Variants in WWOX observed in about 807,000 individuals in gnomAD.
WWOX encodes the protein WW domain containing oxidoreductase.
WWOX carries 69 observed loss-of-function variants against 46.2 expected under a neutral mutation model. The ratio of observed to expected loss-of-function variants is 1.49; its 90% CI spans 1.23 to 1.82. The LOEUF (loss-of-function observed/expected upper bound fraction) is 1.82. Among genes scored for constraint, WWOX ranks in the 40% most tolerant of loss-of-function variants. The probability of loss-of-function intolerance (pLI) is 0.00; values close to 1 mark genes in which losing one functional copy is unlikely to be tolerated. For missense variants in WWOX, 919 were observed against 542.6 expected (o/e 1.69, Z -6.89); for synonymous variants, 359 against 202.6 (o/e 1.77, Z -6.56).
chr16:78,491,951 A>G (rs1452343387), intron 8 of WWOX, among the ~76,000 whole-genome samples: 2 of 152,100 alleles, frequency 1.3e-5, no homozygotes, highest in Admixed American at 6.5e-5. Flanking sequence ...GTTGATGGAC[A>G]TCTTCACCTG....
intron 5 of WWOX, among the ~76,000 whole-genome samples, chr16:78,385,331 C>A (rs117220100): frequency 6.6e-6 from 1 of 152,096 alleles, no homozygotes; most frequent in Non-Finnish European, 1.5e-5. Flanking sequence ...CAAGTGGCAT[C>A]GGGACAAGAG....
chr16:78,435,785 T>G (rs2083321600), intron 8 of WWOX, among the ~76,000 whole-genome samples: 1 of 152,142 alleles, frequency 6.6e-6, no homozygotes, highest in Non-Finnish European at 1.5e-5. Flanking sequence ...TGGAACAACT[T>G]AGACATGTCA....
At chr16:79,159,354 T>A (rs548903707) in intron 8 of WWOX, among the ~76,000 whole-genome samples, 1 of 152,360 alleles carries the variant, frequency 6.6e-6, no homozygotes, top group Non-Finnish European at 1.5e-5. Flanking sequence ...ATTAGCTAAA[T>A]GTTCCTGCAA....
chr16:78,601,195 C>G (rs1265874186), intron 8 of WWOX, among the ~76,000 whole-genome samples: 2 of 152,170 alleles, frequency 1.3e-5, no homozygotes, highest in African/African-American at 2.4e-5. Context: ...CCTTTATCAC[C>G]AAGATTCCTT....
chr16:78,419,625 C>CGAAAA (rs1491558183), intron 6 of WWOX, among the ~76,000 whole-genome samples: 2 of 44,692 alleles, frequency 4.5e-5, no homozygotes, highest in African/African-American at 7.3e-5. Flanking sequence ...CAAAAAATAG[C>CGAAAA]AAAAAAAAAA....
At chr16:78,107,572 C>G (rs939447462) in intron 1 of WWOX, among the ~76,000 whole-genome samples, 4 of 152,004 alleles carry the variant, frequency 2.6e-5, no homozygotes, top group Non-Finnish European at 4.4e-5. Context: ...CAGCGCACAG[C>G]TAGATGCCCT....
intron 8 of WWOX, among the ~76,000 whole-genome samples, chr16:78,445,822 G>C (rs1350316946): frequency 6.6e-6 from 1 of 151,022 alleles, no homozygotes; most frequent in Admixed American, 6.6e-5. Flanking sequence ...AGGTTGCCAT[G>C]AGCAGAGATC....
At chr16:78,882,497 G>A (rs1309452230) in intron 8 of WWOX, among the ~76,000 whole-genome samples, 3 of 147,328 alleles carry the variant, frequency 2.0e-5, no homozygotes, top group African/African-American at 7.5e-5. Flanking sequence ...TTTTAATTGA[G>A]ATGGGGTCTC....
At chr16:78,851,110 A>T (rs1367853951) in intron 8 of WWOX, among the ~76,000 whole-genome samples, 1 of 152,142 alleles carries the variant, frequency 6.6e-6, no homozygotes, top group African/African-American at 2.4e-5. Flanking sequence ...TGCCTGTGGT[A>T]TTTACCTTGA....
intron 8 of WWOX, among the ~76,000 whole-genome samples, chr16:78,601,040 A>G (rs528506579): frequency 6.6e-6 from 1 of 152,164 alleles, no homozygotes. Flanking sequence ...TTCAGTTTCC[A>G]CATAATACCT....
chr16:78,544,277 CATT>C (rs530644501), intron 8 of WWOX, among the ~76,000 whole-genome samples: 16 of 152,308 alleles, frequency 1.1e-4, no homozygotes, highest in South Asian at 8.3e-4. Flanking sequence ...CAAGCGCTAA[CATT>C]ATATTAATTA....
intron 8 of WWOX, among the ~76,000 whole-genome samples, chr16:79,208,859 A>C (rs563127132): frequency 6.6e-6 from 1 of 152,304 alleles, no homozygotes; most frequent in South Asian, 2.1e-4. Flanking sequence ...CAAGAGACCA[A>C]AGGTGTGGTG....
At chr16:78,478,420 AC>A (rs1482338822) in intron 8 of WWOX, among the ~76,000 whole-genome samples, 1 of 151,992 alleles carries the variant, frequency 6.6e-6, no homozygotes, top group African/African-American at 2.4e-5. Context: ...CATATTTACC[AC>A]CCCGGGGTTC....
chr16:79,052,871 AAGAAGATAATTACTAATAT>A (rs2048195013), intron 8 of WWOX, among the ~76,000 whole-genome samples: 4 of 151,732 alleles, frequency 2.6e-5, no homozygotes, highest in Non-Finnish European at 1.5e-5. Flanking sequence ...AGTGGATGGC[AAGAAGATAATTACTAATAT>A]GTCTGCAATC....
chr16:79,116,734 CTTG>C (rs1567560776), intron 8 of WWOX, among the ~76,000 whole-genome samples: 2 of 151,872 alleles, frequency 1.3e-5, no homozygotes, highest in African/African-American at 2.4e-5. Context: ...CTTCCAAACT[CTTG>C]TTATTATTAA....
chr16:78,951,190 G>C (rs1459988443), intron 8 of WWOX, among the ~76,000 whole-genome samples: 1 of 152,200 alleles, frequency 6.6e-6, no homozygotes, highest in African/African-American at 2.4e-5. Context: ...CTGGATCTAA[G>C]TGATTAAATG....
chr16:78,583,078 T>G (rs1172994769), intron 8 of WWOX, among the ~76,000 whole-genome samples: 1 of 152,242 alleles, frequency 6.6e-6, no homozygotes, highest in African/African-American at 2.4e-5. Flanking sequence ...CGAGCAGAGC[T>G]CTTGAAGAAG....
chr16:78,944,216 A>C (rs2045906415), intron 8 of WWOX, among the ~76,000 whole-genome samples: 2 of 151,738 alleles, frequency 1.3e-5, no homozygotes, highest in Non-Finnish European at 2.9e-5. Context: ...AATCTCTTCT[A>C]CCCTCCCTTT....
intron 8 of WWOX, among the ~76,000 whole-genome samples, chr16:78,790,911 C>G (rs2050580592): frequency 6.8e-6 from 1 of 146,244 alleles, no homozygotes; most frequent in East Asian, 2.1e-4. Flanking sequence ...CCCAGCTACT[C>G]AGGAGGCTGA....
Sources: gnomAD v4.1 joint callset for allele counts (sites outside exome capture counted in the v4.1 genomes callset) on GRCh38, gnomAD v4.1.1 for gene constraint, MANE v1.5 for transcripts, NCBI Gene and HGNC (gene_info 2026-07-23, HGNC 2026-07-21) for gene names.